STYX: variants seen among roughly 807,000 people sequenced by gnomAD.
STYX encodes serine/threonine/tyrosine-interacting protein.
STYX carries 20 observed loss-of-function variants against 42.7 expected under a neutral mutation model. The observed-to-expected ratio is 0.47, with a 90% CI of 0.33 to 0.68. STYX has a LOEUF of 0.68. STYX is among the 30% of genes least tolerant of loss of function. The probability of loss-of-function intolerance (pLI) is 0.02; values close to 1 mark genes in which losing one functional copy is unlikely to be tolerated. For missense variants in STYX, 226 were observed against 268.5 expected, an observed-to-expected ratio of 0.84 and a Z score of 1.11; for synonymous variants, 78 against 81.9, an observed-to-expected ratio of 0.95 and a Z score of 0.26.
chr14:52,762,523 C>A (rs908324835), intron 9 of STYX, among the ~76,000 whole-genome samples: 3 of 151,908 alleles, frequency 2.0e-5, no homozygotes, highest in African/African-American at 4.8e-5. Context: ...ATTGTATTTG[C>A]TAATCTTTTT....
Position 52,772,036 on chromosome 14 carries a change from AAAAAG to A in STYX, c.*936_*940del, listed in dbSNP as rs567285527. On this transcript the variant is annotated 3_prime_UTR_variant, in exon 11 of 11. Coordinates refer to ENST00000354586, the MANE Select transcript of STYX (RefSeq NM_145251.4). Reference sequence around the variant, plus strand: ...TTATTTTTTTCTAAATGAAGCCCCAAAAAAGAAAAGTGCCTTGCATCATTTAAAAA... The same window carrying A: ...TTATTTTTTTCTAAATGAAGCCCCAAAAAAGTGCCTTGCATCATTTAAAAA... The A allele has an allele frequency of 7.9e-5, 12 of 152,646 alleles. 1 individual carries two copies. In the South Asian group the frequency reaches 2.3e-3, roughly 29 times the overall value. 9.5% of individuals were successfully genotyped at this position (152,646 alleles called of 1,614,324 possible).
chr14:52,730,972 CAA>C (rs1414051126), intron 1 of STYX, among the ~76,000 whole-genome samples: 1 of 152,182 alleles, frequency 6.6e-6, no homozygotes, highest in Non-Finnish European at 1.5e-5. Context: ...AAAAGTTTCC[CAA>C]AGTTTTTTGT....
Position 52,774,325 on chromosome 14 carries a change from A to G in STYX, c.*3219A>G, listed in dbSNP as rs779018608. ...AAATATTTAACTGCAATCTTGAATT[A>G]TAAAGTTGAGATATATATATATATG... On this transcript the variant is annotated 3_prime_UTR_variant, in exon 11 of 11. Coordinates refer to ENST00000354586, the MANE Select transcript of STYX (RefSeq NM_145251.4). The G allele has an allele frequency of 1.3e-5, 2 of 152,160 alleles. No homozygotes were observed. The highest frequency in any genetic ancestry group is 2.9e-5 in the Non-Finnish European group (2 of 68,018). 9.4% of individuals were successfully genotyped at this position (152,160 alleles called of 1,614,324 possible). A position where few individuals can be genotyped will look rare whatever the true frequency, so the allele number is the denominator to read the frequency against.
chr14:52,767,136 A>G (rs1037788795), intron 9 of STYX, among the ~76,000 whole-genome samples: 9 of 152,186 alleles, frequency 5.9e-5, no homozygotes, highest in African/African-American at 1.7e-4. Context: ...CTGAAAAGTG[A>G]TATTTGAGCA....
intron 4 of STYX, among the ~76,000 whole-genome samples, chr14:52,753,434 C>G (rs1005513044): frequency 1.3e-5 from 2 of 152,094 alleles, no homozygotes; most frequent in Non-Finnish European, 2.9e-5. Context: ...ATCTGCCCAC[C>G]TCGGCCTCCC....
intron 8 of STYX, 149 bp downstream of exon 8, chr14:52,758,073 G>C (rs1432412207): frequency 4.8e-6 from 4 of 841,300 alleles, no homozygotes; most frequent in Non-Finnish European, 7.2e-6. Flanking sequence ...TCCATGATTA[G>C]TCTTAACCTA....
intron 9 of STYX, among the ~76,000 whole-genome samples, chr14:52,766,218 G>C (rs543638066): frequency 6.6e-6 from 1 of 152,198 alleles, no homozygotes; most frequent in African/African-American, 2.4e-5. Context: ...CCAAGTTAGA[G>C]TGCAATGGGG....
rs1881398498 is a variant in STYX, at chr14:52,746,398, T to C, written c.91-28T>C. ...CCTTATAGATTTAAATTGCTGATGG[T>C]AAATACCTCAAATTTTTTTTTTTCT... is the stretch of plus-strand genomic sequence containing the variant. On this transcript the variant is annotated intron_variant, in intron 2 of 10. Coordinates refer to ENST00000354586, the MANE Select transcript of STYX (RefSeq NM_145251.4). 3.9e-6 allele frequency: 6 copies of C among 1,537,152 alleles called. No homozygotes were observed. In the South Asian group the frequency reaches 6.1e-5, roughly 16 times the overall value.
At chr14:52,741,223 TATA>T (rs1881177380) in intron 1 of STYX, among the ~76,000 whole-genome samples, 1 of 93,292 alleles carries the variant, frequency 1.1e-5, no homozygotes, top group African/African-American at 3.9e-5. Flanking sequence ...TATATATATA[TATA>T]TATATTTTTT....
At chr14:52,766,161 T>A (rs1882294453) in intron 9 of STYX, among the ~76,000 whole-genome samples, 2 of 151,904 alleles carry the variant, frequency 1.3e-5, no homozygotes, top group Non-Finnish European at 2.9e-5. Flanking sequence ...CACACCTGGC[T>A]AAGTTTTTTG....
At chr14:52,735,767 A>G (rs1471092156) in intron 1 of STYX, among the ~76,000 whole-genome samples, 2 of 152,206 alleles carry the variant, frequency 1.3e-5, no homozygotes, top group East Asian at 1.9e-4. Flanking sequence ...TTTTAATGTT[A>G]ATGTGATCAA....
In STYX at chr14:52,755,117, TTTTG is replaced by T. The variant is rs1412549661; in HGVS notation, c.243-1430_243-1427del. Among the ~76,000 whole-genome samples, 7 of 113,214 alleles carry T rather than the reference TTTTG, an allele frequency of 6.2e-5. No homozygotes were observed. In the East Asian group the frequency reaches 2.0e-3, roughly 32 times the overall value. 74.3% of individuals were successfully genotyped at this position (113,214 alleles called of 152,430 possible). Reference sequence around the variant, plus strand: ...CTTCTGTGTTTTTTTTTGTTTGTTTTTTTGTTTTTTTTTTTTTGTTTTTGAAACA... The same window carrying T: ...CTTCTGTGTTTTTTTTTGTTTGTTTTTTTTTTTTTTTTTGTTTTTGAAACA... On this transcript the variant is annotated intron_variant, in intron 4 of 10. Coordinates refer to ENST00000354586, the MANE Select transcript of STYX (RefSeq NM_145251.4).
rs533149531 is a variant in STYX at position 52,736,782 on chromosome 14, G to A, written c.57+6251G>A. On this transcript the variant is annotated intron_variant, in intron 1 of 10. Coordinates refer to ENST00000354586, the MANE Select transcript of STYX (RefSeq NM_145251.4). ...CTGAATGAAGCTAGATGATTCTAAT[G>A]TTCAGTCAGGTTTAAAAATTGCTGG... 7.3e-5 allele frequency among the ~76,000 whole-genome samples: 11 copies of A among 151,226 alleles called. No individual in the cohort carries two copies. The South Asian group carries it at 2.3e-3, about 32-fold the overall frequency.
At chr14:52,738,647 G>C (rs573101585) in intron 1 of STYX, among the ~76,000 whole-genome samples, 1 of 152,148 alleles carries the variant, frequency 6.6e-6, no homozygotes, top group Non-Finnish European at 1.5e-5. Context: ...ATGACACCTT[G>C]ATATATTGAT....
rs186885095 is a variant in STYX, at chr14:52,772,929, T to C, written c.*1823T>C. On this transcript the variant is annotated 3_prime_UTR_variant, in exon 11 of 11. Coordinates refer to ENST00000354586, the MANE Select transcript of STYX (RefSeq NM_145251.4). ...TGGTCTAGTGGAGTCAAGATTCGCA[T>C]TGGGTTTTCTAAAATTCCAGTTGAT... 3 of 152,148 alleles carry C rather than the reference T, an allele frequency of 2.0e-5. No homozygotes were observed. Among genetic ancestry groups the C allele is most frequent in the East Asian group, 1.9e-4 (1 of 5,186 alleles). The allele number at this position is 152,148 out of a possible 1,614,324, so 9.4% of individuals were successfully genotyped here.
intron 9 of STYX, among the ~76,000 whole-genome samples, chr14:52,763,010 A>G (rs1882160855): frequency 6.7e-6 from 1 of 149,100 alleles, no homozygotes; most frequent in Non-Finnish European, 1.5e-5. Flanking sequence ...CTGCTGCCTC[A>G]GCCTCCAGAA....
At chr14:52,741,055 ATGT>A (rs946871298) in intron 1 of STYX, among the ~76,000 whole-genome samples, 1 of 152,058 alleles carries the variant, frequency 6.6e-6, no homozygotes, top group African/African-American at 2.4e-5. Context: ...AAATTCATCC[ATGT>A]TGTTGTGTTT....
chr14:52,746,910 G>A (rs1352259943), intron 3 of STYX, among the ~76,000 whole-genome samples: 2 of 152,150 alleles, frequency 1.3e-5, no homozygotes, highest in East Asian at 3.8e-4. Context: ...CCTTAGTTCT[G>A]TTTTGCCAGC....
chr14:52,741,017 G>A (rs183824076), intron 1 of STYX, among the ~76,000 whole-genome samples: 2 of 152,176 alleles, frequency 1.3e-5, no homozygotes, highest in East Asian at 3.9e-4. Flanking sequence ...TTTGTGTGTG[G>A]CTTTCTTCAC....
Sources: allele counts gnomAD v4.1 joint callset (sites outside exome capture counted in the v4.1 genomes callset), GRCh38; gene constraint gnomAD v4.1.1; transcripts MANE v1.5; gene names NCBI Gene and HGNC (gene_info 2026-07-23, HGNC 2026-07-21).